Variants in RASL12 observed in about 807,000 individuals in gnomAD.
RASL12 encodes the protein RAS like family 12.
RASL12 carries 16 observed loss-of-function variants against 22.9 expected under a neutral mutation model. That is an observed-to-expected ratio of 0.70 (90% confidence interval 0.47 to 1.06). The LOEUF (loss-of-function observed/expected upper bound fraction) is 1.06. RASL12 is among the 50% of genes least tolerant of loss of function. The probability of loss-of-function intolerance (pLI) is 0.00; values close to 1 mark genes in which losing one functional copy is unlikely to be tolerated. For missense variants in RASL12, 306 were observed against 353.1 expected, an observed-to-expected ratio of 0.87 and a Z score of 1.07; for synonymous variants, 159 against 152.2, an observed-to-expected ratio of 1.04 and a Z score of -0.33.
downstream of RASL12, chr15:65,053,216 C>T: frequency 1.9e-6 from 3 of 1,593,050 alleles, no homozygotes; most frequent in Non-Finnish European, 2.6e-6. Flanking sequence ...GTGGGCTCAG[C>T]TCAGTGGCCT....
At chr15:65,069,314 T>C (rs1045559231), upstream of RASL12, among the ~76,000 whole-genome samples, 1 of 152,242 alleles carries the variant, frequency 6.6e-6, no homozygotes, top group Admixed American at 6.5e-5. Flanking sequence ...AGGCCAGAAT[T>C]AGTCACACAG....
intron 1 of RASL12, 27 bp from the exon 2 acceptor site, chr15:65,065,300 C>G: frequency 6.2e-7 from 1 of 1,604,458 alleles, no homozygotes; most frequent in Non-Finnish European, 8.5e-7. Flanking sequence ...GAGGTTGGCT[C>G]CATCTCCGCG....
chr15:65,067,714 G>T lies in RASL12; in HGVS notation c.103+19C>A, dbSNP rs766159405. On this transcript the variant is annotated intron_variant, in intron 1 of 4. Transcript: ENST00000220062. ...CCCAGCTCCGCACTTGGCGGCTCAG[G>T]CTCCCCGGCGCCACTCACCAGACTT... 12 of 1,537,326 alleles carry T rather than the reference G, an allele frequency of 7.8e-6. No individual in the cohort carries two copies. The South Asian group carries it at 1.4e-4, about 18-fold the overall frequency.
At chr15:65,055,887 T>C (rs951536457) in intron 4 of RASL12, among the ~76,000 whole-genome samples, 1 of 151,796 alleles carries the variant, frequency 6.6e-6, no homozygotes, top group Non-Finnish European at 1.5e-5. Flanking sequence ...AAGCAAATAA[T>C]AAAACCAGGG....
At chr15:65,070,434 T>A (rs1273402490), upstream of RASL12, among the ~76,000 whole-genome samples, 1 of 152,246 alleles carries the variant, frequency 6.6e-6, no homozygotes, top group South Asian at 2.1e-4. Context: ...AACCGTTTAG[T>A]GACCAGAAGT....
At chr15:65,050,833 C>CTTTTTTTTTTTTTTTTTTTTTTTTTT (rs67418433), downstream of RASL12, among the ~76,000 whole-genome samples, 232 of 88,610 alleles carry the variant, frequency 2.6e-3, 1 homozygote, top group South Asian at 4.1e-3. Flanking sequence ...TCTTCTTCTT[C>CTTTTTTTTTTTTTTTTTTTTTTTTTT]TTCTTTTTTT....
intron 1 of RASL12, 83 bp downstream of exon 1, chr15:65,067,650 C>A: frequency 6.9e-7 from 1 of 1,444,444 alleles, no homozygotes; most frequent in Non-Finnish European, 9.1e-7. Flanking sequence ...GTGGAAGAAC[C>A]TGCCCCCAAG....
At chr15:65,063,475 TGAC>T (rs1163574819) in intron 2 of RASL12, among the ~76,000 whole-genome samples, 1 of 152,208 alleles carries the variant, frequency 6.6e-6, no homozygotes, top group East Asian at 1.9e-4. Flanking sequence ...TCTCTGGAGC[TGAC>T]CTCTGCTAAT....
chr15:65,075,385 A>G (rs1408045393), intron 1 of RASL12, among the ~76,000 whole-genome samples: 1 of 152,130 alleles, frequency 6.6e-6, no homozygotes, highest in Non-Finnish European at 1.5e-5. Context: ...AGTCCCATCA[A>G]CCACCCAAGG....
downstream of RASL12, chr15:65,053,065 G>A: frequency 6.2e-7 from 1 of 1,614,142 alleles, no homozygotes; most frequent in South Asian, 1.1e-5. Context: ...GAGAAACTTT[G>A]CTCTCAGAAA....
chr15:65,076,570 C>T (rs886461642), exon 1 of RASL12: 3 of 702,396 alleles, frequency 4.3e-6, no homozygotes, highest in African/African-American at 3.5e-5. Flanking sequence ...AGACCAAGAA[C>T]CCACCAATTC....
upstream of RASL12, among the ~76,000 whole-genome samples, chr15:65,071,390 C>T (rs1427662053): frequency 6.6e-6 from 1 of 152,116 alleles, no homozygotes; most frequent in Non-Finnish European, 1.5e-5. Context: ...AGGATAGTTC[C>T]TTGTCCTCTC....
chr15:65,071,892 T>C (rs1001443019), upstream of RASL12, among the ~76,000 whole-genome samples: 1 of 151,856 alleles, frequency 6.6e-6, no homozygotes, highest in African/African-American at 2.4e-5. Context: ...AGGTGAGGAG[T>C]GGCAGCTAGG....
intron 3 of RASL12, 46 bp downstream of exon 3, chr15:65,059,299 G>T: frequency 6.6e-7 from 1 of 1,525,136 alleles, no homozygotes; most frequent in Non-Finnish European, 9.1e-7. Context: ...TTCTCAGGAG[G>T]CTATACTGAC....
chr15:65,065,138 GC>G, intron 2 of RASL12, 78 bp downstream of exon 2: 1 of 1,388,186 alleles, frequency 7.2e-7, no homozygotes, highest in South Asian at 1.2e-5. Context: ...CCTGGTCAGT[GC>G]CCACCCACGG....
chr15:65,069,989 CA>C (rs2140536710), upstream of RASL12, among the ~76,000 whole-genome samples: 1 of 152,328 alleles, frequency 6.6e-6, no homozygotes, highest in East Asian at 1.9e-4. Context: ...TTTCCTCACC[CA>C]GGGGCTGCTA....
upstream of RASL12, chr15:65,068,239 G>C (rs944881885): frequency 1.0e-6 from 1 of 988,536 alleles, no homozygotes; most frequent in Non-Finnish European, 1.2e-6. The surrounding 1 kb of genome is among the most constrained non-coding windows in gnomAD (Gnocchi z 4.2). Context: ...GGGCTAGGGG[G>C]AGAGAGGGGA....
At chr15:65,071,976 C>T (rs1398044818), upstream of RASL12, among the ~76,000 whole-genome samples, 1 of 151,184 alleles carries the variant, frequency 6.6e-6, no homozygotes, top group African/African-American at 2.4e-5. Flanking sequence ...ATTTCTAAGC[C>T]TTTGTTTCCT....
At chr15:65,074,360 A>AATAGGTGTTATT (rs1247392819) in intron 1 of RASL12, among the ~76,000 whole-genome samples, 3 of 152,082 alleles carry the variant, frequency 2.0e-5, no homozygotes, top group Non-Finnish European at 4.4e-5. Flanking sequence ...ATGACTGTGA[A>AATAGGTGTTATT]ATAGGTGTTA....
Sources: gnomAD v4.1 joint callset for allele counts (sites outside exome capture counted in the v4.1 genomes callset) on GRCh38, gnomAD v4.1.1 for gene constraint, Gnocchi (gnomAD v3.1) non-coding constraint, MANE v1.5 for transcripts, NCBI Gene and HGNC (gene_info 2026-07-23, HGNC 2026-07-21) for gene names.